The following RBM20 variants were observed in gnomAD, a reference collection of about 807,000 sequenced individuals.
RBM20 encodes the protein RNA binding motif protein 20.
RBM20 carries 51 observed loss-of-function variants against 110.1 expected under a neutral mutation model. That is an observed-to-expected ratio of 0.46 (90% CI 0.37 to 0.59). The LOEUF (loss-of-function observed/expected upper bound fraction) is 0.59, where lower values mean the gene tolerates loss of function less well. Ranked by LOEUF, RBM20 falls within the 20% of genes least tolerant of loss-of-function variation. The pLI, the probability that RBM20 is intolerant of heterozygous loss-of-function variation, is 0.00. For missense variants in RBM20, 1,512 were observed against 1,574.9 expected, an observed-to-expected ratio of 0.96 and a Z score of 0.68; for synonymous variants, 589 against 618.2, an observed-to-expected ratio of 0.95 and a Z score of 0.70.
rs113227375 is a variant in RBM20, at chr10:110,835,768, A to G, written c.3574-100A>G. On this transcript the variant is annotated intron_variant, in intron 13 of 13. Coordinates refer to ENST00000369519, the MANE Select transcript of RBM20 (RefSeq NM_001134363.3). Reference sequence around the variant, plus strand: ...GGGTAACCCCCACAGCTGGGCACAGATGCCAGGAGAGGGATGATTGAGGCA... The same window carrying G: ...GGGTAACCCCCACAGCTGGGCACAGGTGCCAGGAGAGGGATGATTGAGGCA... The G allele has an allele frequency of 4.9e-6, 6 of 1,232,168 alleles. No homozygotes were observed. In the African/African-American group the frequency reaches 6.0e-5, roughly 12 times the overall value. 76.3% of individuals were successfully genotyped at this position (1,232,168 alleles called of 1,614,324 possible).
chr10:110,793,128 C>T (rs559267798), intron 5 of RBM20, among the ~76,000 whole-genome samples: 18 of 152,276 alleles, frequency 1.2e-4, no homozygotes, highest in African/African-American at 4.1e-4. Flanking sequence ...TCGTTCCAGA[C>T]GTGGGGAAAC....
intron 1 of RBM20, among the ~76,000 whole-genome samples, chr10:110,777,982 T>C (rs1006153169): frequency 3.9e-5 from 6 of 152,244 alleles, no homozygotes; most frequent in Non-Finnish European, 8.8e-5. Context: ...AGCTACTTAA[T>C]ACTACACAAG....
Position 110,781,573 on chromosome 10 carries a change from C to A in RBM20, c.964C>A (p.Pro322Thr), listed in dbSNP as rs1371585451. Reference sequence around the variant, plus strand: ...GGGCACAAACAGCCAATGGGAGAGCCCCCATGGATTCTCGGGCCAAAGCAA... The same window carrying A: ...GGGCACAAACAGCCAATGGGAGAGCACCCATGGATTCTCGGGCCAAAGCAA... ...LQGTNSQWES[P>T]HGFSGQSKPD... The change falls in exon 2 of 14, where the codon CCC becomes ACC. Residue 322 changes from proline to threonine, a missense_variant. Physicochemically the swap from Pro to Thr is conservative, Grantham distance 38. Around this residue, in one of 3 missense-constraint regions of RBM20, gnomAD observed 1,149 missense variants for 1,169.4 expected, o/e 0.98. Transcript: ENST00000369519. The A allele has an allele frequency of 5.8e-6, 9 of 1,551,576 alleles. No individual in the cohort carries two copies. The highest frequency in any genetic ancestry group is 1.4e-5 in the African/African-American group (1 of 73,052).
intron 1 of RBM20, among the ~76,000 whole-genome samples, chr10:110,698,210 T>C (rs1862697251): frequency 6.6e-6 from 1 of 151,864 alleles, no homozygotes; most frequent in African/African-American, 2.4e-5. Context: ...GCCCGGCCCT[T>C]GTTTCTTATA....
chr10:110,651,164 T>C (rs1165642351), intron 1 of RBM20, among the ~76,000 whole-genome samples: 1 of 152,210 alleles, frequency 6.6e-6, no homozygotes, highest in South Asian at 2.1e-4. Context: ...TGTGGAGTGA[T>C]ACCCAATGTA....
intron 1 of RBM20, among the ~76,000 whole-genome samples, chr10:110,647,956 A>G (rs1201827872): frequency 1.3e-5 from 2 of 152,212 alleles, no homozygotes; most frequent in Non-Finnish European, 2.9e-5. Context: ...GAAAGAAACC[A>G]AACACGTGCA....
At chr10:110,748,600 A>G (rs1180612603) in intron 1 of RBM20, among the ~76,000 whole-genome samples, 4 of 152,078 alleles carry the variant, frequency 2.6e-5, no homozygotes, top group Non-Finnish European at 4.4e-5. Context: ...TCCTAAAATT[A>G]CAGTGAAAAA....
chr10:110,738,240 C>G (rs1843691666), intron 1 of RBM20, among the ~76,000 whole-genome samples: 1 of 152,020 alleles, frequency 6.6e-6, no homozygotes, highest in African/African-American at 2.4e-5. Context: ...AGTTGGCGGC[C>G]CTACAGCAAA....
In RBM20 at chr10:110,647,945, G is replaced by A. The variant is rs535580983; in HGVS notation, c.191+3300G>A. Among the ~76,000 whole-genome samples, 148 of 152,294 alleles carry A rather than the reference G, an allele frequency of 9.7e-4. 1 individual carries two copies. Among genetic ancestry groups the A allele is most frequent in the Middle Eastern group, 3.4e-3 (1 of 294 alleles). The stretch of plus-strand genomic sequence containing the variant: ...CACGAAGTATACCACTAGCCATGGA[G>A]GAAAGAAACCAAACACGTGCACCCC... On this transcript the variant is annotated intron_variant, in intron 1 of 13. Coordinates refer to ENST00000369519, the MANE Select transcript of RBM20 (RefSeq NM_001134363.3).
Position 110,723,598 on chromosome 10 carries a change from C to G in RBM20, c.192-57203C>G, listed in dbSNP as rs78774406. Among the ~76,000 whole-genome samples the G allele has an allele frequency of 5.9e-3, 895 of 152,304 alleles. 11 individuals are homozygous for G. Among genetic ancestry groups the G allele is most frequent in the African/African-American group, 0.02 (851 of 41,544 alleles). On this transcript the variant is annotated intron_variant, in intron 1 of 13. Transcript: ENST00000369519. Reference sequence around the variant, plus strand: ...ACATTCTTGCAGCACTTATTATCATCTTTTTGATTTCAGCCATTCTAGTGG... The same window carrying G: ...ACATTCTTGCAGCACTTATTATCATGTTTTTGATTTCAGCCATTCTAGTGG...
At position 110,760,127 on chromosome 10, in the gene RBM20, A is replaced by G. The variant is rs868455270; in HGVS notation, c.192-20674A>G. On this transcript the variant is annotated intron_variant, in intron 1 of 13. Coordinates refer to ENST00000369519, the MANE Select transcript of RBM20 (RefSeq NM_001134363.3). The stretch of plus-strand genomic sequence containing the variant: ...GATCATAAAATGAGTACCTGTGATG[A>G]CTGAACAATGTGCTGGCGTGTTCCA... Among the ~76,000 whole-genome samples, 9 of 152,326 alleles carry G rather than the reference A, an allele frequency of 5.9e-5. 1 individual carries two copies. The highest frequency in any genetic ancestry group is 6.8e-3 in the Middle Eastern group (2 of 294).
intron 1 of RBM20, among the ~76,000 whole-genome samples, chr10:110,688,498 C>T (rs917249333): frequency 3.3e-5 from 5 of 152,162 alleles, no homozygotes; most frequent in Admixed American, 1.3e-4. Flanking sequence ...ATTGTTTACA[C>T]GTTGATGTCC....
intron 1 of RBM20, among the ~76,000 whole-genome samples, chr10:110,672,047 C>T (rs191967390): frequency 9.9e-5 from 15 of 151,002 alleles, no homozygotes. Flanking sequence ...TATTTTAGGG[C>T]CCTATTAGGG....
chr10:110,730,381 A>T (rs1298127114), intron 1 of RBM20, among the ~76,000 whole-genome samples: 1 of 152,190 alleles, frequency 6.6e-6, no homozygotes, highest in African/African-American at 2.4e-5. Flanking sequence ...TGGCTTGGAG[A>T]TCCCCCGACC....
At chr10:110,805,854 C>T (rs1009082293) in intron 7 of RBM20, among the ~76,000 whole-genome samples, 11 of 152,198 alleles carry the variant, frequency 7.2e-5, no homozygotes, top group African/African-American at 2.7e-4. Context: ...TGAGCGGAAT[C>T]ATTGTCATCA....
chr10:110,757,875 G>A (rs1318037728), intron 1 of RBM20, among the ~76,000 whole-genome samples: 1 of 152,030 alleles, frequency 6.6e-6, no homozygotes, highest in Non-Finnish European at 1.5e-5. Flanking sequence ...CTTTTGGGTG[G>A]CTTTTGTCCT....
intron 1 of RBM20, among the ~76,000 whole-genome samples, chr10:110,761,593 A>G (rs1844004948): frequency 6.6e-6 from 1 of 152,220 alleles, no homozygotes; most frequent in Non-Finnish European, 1.5e-5. Context: ...CCCACCTCCC[A>G]GGTGAACACT....
Position 110,661,333 on chromosome 10 carries a change from T to C in RBM20, c.191+16688T>C, listed in dbSNP as rs577227420. 1.4e-4 allele frequency among the ~76,000 whole-genome samples: 21 copies of C among 152,328 alleles called. No individual in the cohort carries two copies. In the South Asian group the frequency reaches 4.4e-3, roughly 32 times the overall value. On this transcript the variant is annotated intron_variant, in intron 1 of 13. Transcript: ENST00000369519. Reference sequence around the variant, plus strand: ...CACCCGTGACTTGGTGCTCTTCTCATGGCCCAGCTCCAGCAGTTGCCAGTG... The same window carrying C: ...CACCCGTGACTTGGTGCTCTTCTCACGGCCCAGCTCCAGCAGTTGCCAGTG...
intron 1 of RBM20, among the ~76,000 whole-genome samples, chr10:110,747,299 G>T (rs377541985): frequency 1.5e-4 from 22 of 150,738 alleles, no homozygotes; most frequent in Non-Finnish European, 1.9e-4. Context: ...CTTTTTTTGG[G>T]GGGGGGGGTC....
Sources: allele counts gnomAD v4.1 joint callset (sites outside exome capture counted in the v4.1 genomes callset), GRCh38; gene constraint gnomAD v4.1.1; regional missense constraint gnomAD v4.1.1; transcripts MANE v1.5; gene names NCBI Gene and HGNC (gene_info 2026-07-23, HGNC 2026-07-21).